The following ELN variants were observed in gnomAD, a reference collection of about 807,000 sequenced individuals.
The protein encoded by ELN is elastin.
ELN carries 65 observed loss-of-function variants against 105.8 expected under a neutral mutation model. The ratio of observed to expected loss-of-function variants is 0.61; its 90% confidence interval spans 0.50 to 0.75. The LOEUF (loss-of-function observed/expected upper bound fraction) is 0.75. ELN is among the 30% of genes least tolerant of loss of function. ELN has a pLI of 0.00. For missense variants in ELN, 882 were observed against 969.4 expected (o/e 0.91, Z 1.20); for synonymous variants, 368 against 389.2 (o/e 0.95, Z 0.64).
chr7:74,029,472 G>T (rs538465096), intron 1 of ELN, among the ~76,000 whole-genome samples: 2 of 152,180 alleles, frequency 1.3e-5, no homozygotes, highest in Non-Finnish European at 1.5e-5. Flanking sequence ...TGGTAGGGGG[G>T]TCTGGGTGGA....
chr7:74,061,032 A>G, intron 25 of ELN, 69 bp from the exon 26 acceptor site: 1 of 1,591,684 alleles, frequency 6.3e-7, no homozygotes, highest in Non-Finnish European at 8.6e-7. Context: ...GGCTCTCTAG[A>G]GGAGGCGGCA....
At chr7:74,030,477 T>TTG (rs1190568021) in intron 1 of ELN, among the ~76,000 whole-genome samples, 1 of 151,744 alleles carries the variant, frequency 6.6e-6, no homozygotes, top group African/African-American at 2.4e-5. Flanking sequence ...TTTTTTTTTT[T>TTG]TTTTTCCTGA....
rs575766178 is a variant in ELN at position 74,057,305 on chromosome 7, G to A, written c.1358-335G>A. ...CAGGAAGCCATTCTCTTCTTCCTCC[G>A]ATTCTCCCACCCACCCTTGCTCCCC... On this transcript the variant is annotated intron_variant, in intron 21 of 32. Transcript: ENST00000252034. 8 of 1,217,816 alleles carry A rather than the reference G, an allele frequency of 6.6e-6. No homozygotes were observed. In the South Asian group the frequency reaches 8.1e-5, roughly 12 times the overall value. 75.4% of individuals were successfully genotyped at this position (1,217,816 alleles called of 1,614,324 possible). A position where few individuals can be genotyped will look rare whatever the true frequency, so the allele number is the denominator to read the frequency against.
In ELN at chr7:74,051,859, G is replaced by A. The variant is rs1554676275; in HGVS notation, c.889+20G>A. The A allele has an allele frequency of 6.2e-7, 1 of 1,614,098 alleles. No homozygotes were observed. The highest frequency in any genetic ancestry group is 8.5e-7 in the Non-Finnish European group (1 of 1,180,040). On this transcript the variant is annotated intron_variant, in intron 16 of 32. Coordinates refer to ENST00000252034, the MANE Select transcript of ELN (RefSeq NM_000501.4). Reference sequence around the variant, plus strand: ...TCGCAGGTAACATCTGTCCCAGCAGGGGGCGGGTGTGTCCTTGAGATGGCC... The same window carrying A: ...TCGCAGGTAACATCTGTCCCAGCAGAGGGCGGGTGTGTCCTTGAGATGGCC...
chr7:74,054,212 A>G (rs895789887), intron 18 of ELN, among the ~76,000 whole-genome samples: 8 of 152,288 alleles, frequency 5.3e-5, no homozygotes, highest in African/African-American at 1.7e-4. Context: ...TCACGCCTAT[A>G]ATCTCAGCAC....
chr7:74,055,202 G>A (rs1358686269), intron 19 of ELN, among the ~76,000 whole-genome samples: 3 of 152,208 alleles, frequency 2.0e-5, no homozygotes, highest in African/African-American at 7.2e-5. Context: ...CAATTTGGGA[G>A]ACCAAGGTAG....
At chr7:74,042,813 G>A in intron 6 of ELN, 107 bp downstream of exon 6, 1 of 1,536,728 alleles carries the variant, frequency 6.5e-7, no homozygotes, top group Non-Finnish European at 8.9e-7. Flanking sequence ...GGGTGGGTGG[G>A]ATTGTCAGTT....
At chr7:74,045,078 C>T (rs1792146101) in intron 9 of ELN, 144 bp from the exon 10 acceptor site, 2 of 860,886 alleles carry the variant, frequency 2.3e-6, no homozygotes, top group African/African-American at 1.7e-5. Flanking sequence ...TAAACAGGTC[C>T]TTTCTCCACC....
At chr7:74,051,706 G>C in intron 15 of ELN, 44 bp from the exon 16 acceptor site, 10 of 1,609,690 alleles carry the variant, frequency 6.2e-6, no homozygotes, top group Non-Finnish European at 8.5e-6. Flanking sequence ...CTGTCCTCAG[G>C]AGGGTCCTTG....
intron 21 of ELN, 68 bp downstream of exon 21, chr7:74,056,781 G>A: frequency 6.2e-7 from 1 of 1,606,790 alleles, no homozygotes. Context: ...CAACCTCAGG[G>A]CAAACTGGCT....
chr7:74,035,609 C>A, intron 2 of ELN, 195 bp downstream of exon 2: 1 of 709,214 alleles, frequency 1.4e-6, no homozygotes, highest in Non-Finnish European at 2.5e-6. Context: ...GTGGCTTATG[C>A]CTGTAATCTC....
At chr7:74,051,220 G>A (rs1421502647) in intron 15 of ELN, among the ~76,000 whole-genome samples, 1 of 152,198 alleles carries the variant, frequency 6.6e-6, no homozygotes, top group Non-Finnish European at 1.5e-5. Flanking sequence ...CCGAGAGAGC[G>A]AGAATGTGGG....
In ELN at chr7:74,056,414, G is replaced by A; in HGVS notation, c.1294G>A (p.Val432Ile). ...GVGGVPGVGG[V>I]PGVGISPEAQ... ...CGGAGGTGTTCCCGGAGTCGGAGGTGTCCCGGGAGTTGGCATTTCCCGTGA... is the reference window on the plus strand; with the variant it reads ...CGGAGGTGTTCCCGGAGTCGGAGGTATCCCGGGAGTTGGCATTTCCCGTGA... The change falls in exon 20 of 33, where the codon GTC becomes ATC. Residue 432 changes from valine to isoleucine, a missense_variant. Transcript: ENST00000252034. 1 of 1,613,752 alleles carries A rather than the reference G, an allele frequency of 6.2e-7. No individual in the cohort carries two copies. Among genetic ancestry groups the A allele is most frequent in the Non-Finnish European group, 8.5e-7 (1 of 1,179,824 alleles).
chr7:74,055,082 C>T lies in ELN; in HGVS notation c.1150+313C>T, dbSNP rs532732247. 1.8e-4 allele frequency among the ~76,000 whole-genome samples: 27 copies of T among 152,376 alleles called. No homozygotes were observed. The South Asian group carries it at 4.6e-3, about 26-fold the overall frequency. On this transcript the variant is annotated intron_variant, in intron 19 of 32. Transcript: ENST00000252034. ...GTGGATTCTGCCAATAGTCTCTCTG[C>T]ATCCAACAAAGGGGGTCTTCCCGAA...
intron 17 of ELN, 153 bp downstream of exon 17, chr7:74,052,136 C>T (rs1459173736): frequency 2.4e-6 from 2 of 821,968 alleles, no homozygotes; most frequent in Non-Finnish European, 3.9e-6. Flanking sequence ...ATCACTCTAC[C>T]TGAGATGCCA....
intron 26 of ELN, among the ~76,000 whole-genome samples, chr7:74,061,923 G>A (rs1796769463): frequency 6.6e-6 from 1 of 152,142 alleles, no homozygotes; most frequent in Non-Finnish European, 1.5e-5. Context: ...CTCCACCCCA[G>A]CTCTCTGGCC....
At chr7:74,053,843 T>C (rs1418787598) in intron 18 of ELN, among the ~76,000 whole-genome samples, 1 of 148,102 alleles carries the variant, frequency 6.8e-6, no homozygotes, top group Non-Finnish European at 1.5e-5. Context: ...TGGATGGGTG[T>C]GGGATGGATA....
chr7:74,066,846 C>T (rs1798068749), intron 32 of ELN, 70 bp downstream of exon 32: 1 of 1,543,248 alleles, frequency 6.5e-7, no homozygotes, highest in Non-Finnish European at 8.9e-7. Flanking sequence ...TCTCCTGTGC[C>T]ATCTCCTGCT....
At position 74,060,570 on chromosome 7, in the gene ELN, C is replaced by T. The variant is rs781855528; in HGVS notation, c.1747+69C>T. The T allele has an allele frequency of 3.1e-6, 5 of 1,610,460 alleles. No homozygotes were observed. In the East Asian group the frequency reaches 6.7e-5, roughly 22 times the overall value. ...GGAAGGAGATCCCTCCTCCTCTCAG[C>T]ACCTCCCCAGCACCCCCTCATCACC... is the stretch of plus-strand genomic sequence containing the variant. On this transcript the variant is annotated intron_variant, in intron 25 of 32. Transcript: ENST00000252034.
Sources: gnomAD v4.1 joint callset for allele counts (sites outside exome capture counted in the v4.1 genomes callset) on GRCh38, gnomAD v4.1.1 for gene constraint, MANE v1.5 for transcripts, NCBI Gene and HGNC (gene_info 2026-07-23, HGNC 2026-07-21) for gene names.